BBS9: variants seen among roughly 807,000 people sequenced by gnomAD.
BBS9 encodes the protein protein PTHB1.
Under a neutral mutation model 117.7 loss-of-function variants are expected in BBS9, and 89 were observed. The ratio of observed to expected loss-of-function variants is 0.76; its 90% confidence interval spans 0.64 to 0.90. BBS9 has a LOEUF of 0.90. Among genes scored for constraint, BBS9 ranks in the 40% least tolerant of loss-of-function variants. The probability of loss-of-function intolerance (pLI) is 0.00; values close to 1 mark genes in which losing one functional copy is unlikely to be tolerated. For synonymous variants in BBS9, 379 were observed against 370.9 expected (o/e 1.02, Z -0.25); for missense variants, 982 against 1,042.2 (o/e 0.94, Z 0.80).
intron 10 of BBS9, among the ~76,000 whole-genome samples, chr7:33,340,682 G>A (rs1291349923): frequency 6.6e-6 from 1 of 152,090 alleles, no homozygotes; most frequent in East Asian, 1.9e-4. Context: ...TCACATCTTA[G>A]CAAATATCTG....
chr7:33,599,627 G>A (rs1390981008), intron 21 of BBS9, among the ~76,000 whole-genome samples: 2 of 152,098 alleles, frequency 1.3e-5, no homozygotes. Context: ...AACATCCATT[G>A]ATGTAGTCTC....
At chr7:33,595,074 CA>C (rs1214597751) in intron 21 of BBS9, among the ~76,000 whole-genome samples, 1 of 151,878 alleles carries the variant, frequency 6.6e-6, no homozygotes, top group Non-Finnish European at 1.5e-5. Context: ...ATGTAAAAAC[CA>C]AAACCATAAA....
At chr7:33,352,894 G>GA (rs772343285) in intron 15 of BBS9, 21 bp downstream of exon 15, 14 of 1,605,352 alleles carry the variant, frequency 8.7e-6, no homozygotes, top group African/African-American at 1.3e-5. Context: ...AGATAATTTA[G>GA]AAAAAAATGA....
intron 5 of BBS9, among the ~76,000 whole-genome samples, chr7:33,187,756 T>C (rs1386174238): frequency 6.6e-6 from 1 of 151,546 alleles, no homozygotes; most frequent in Non-Finnish European, 1.5e-5. Context: ...CCATCTCTAC[T>C]TAAAATACAA....
chr7:33,208,013 T>G (rs1379675101), intron 5 of BBS9, among the ~76,000 whole-genome samples: 1 of 152,182 alleles, frequency 6.6e-6, no homozygotes, highest in African/African-American at 2.4e-5. Context: ...TTCACCATGT[T>G]GGCCAGGCTG....
chr7:33,535,222 A>G (rs1031547203), intron 21 of BBS9, among the ~76,000 whole-genome samples: 1 of 152,146 alleles, frequency 6.6e-6, no homozygotes, highest in African/African-American at 2.4e-5. Flanking sequence ...TTTCTTTTCT[A>G]GAGTCTTCAT....
At chr7:33,317,681 C>T (rs1308090304) in intron 9 of BBS9, among the ~76,000 whole-genome samples, 1 of 152,138 alleles carries the variant, frequency 6.6e-6, no homozygotes, top group Admixed American at 6.5e-5. Context: ...TAACTCTATC[C>T]AAAGTGGTCT....
At chr7:33,283,063 G>A (rs976377794) in intron 9 of BBS9, among the ~76,000 whole-genome samples, 1 of 151,882 alleles carries the variant, frequency 6.6e-6, no homozygotes, top group Non-Finnish European at 1.5e-5. Flanking sequence ...TATCTAAATG[G>A]AGTCAAAGCT....
chr7:33,597,252 CAAAAA>C (rs200048787), intron 21 of BBS9, among the ~76,000 whole-genome samples: 22 of 151,540 alleles, frequency 1.5e-4, no homozygotes, highest in Admixed American at 1.4e-3. Context: ...AATGAAATCT[CAAAAA>C]AACACTTTAT....
intron 21 of BBS9, among the ~76,000 whole-genome samples, chr7:33,594,886 A>G (rs1327110376): frequency 1.3e-5 from 2 of 152,016 alleles, no homozygotes; most frequent in Non-Finnish European, 2.9e-5. Flanking sequence ...TGAAAACCCA[A>G]TTTCATAAGA....
intron 19 of BBS9, among the ~76,000 whole-genome samples, chr7:33,490,225 T>C (rs1038786335): frequency 1.3e-5 from 2 of 152,170 alleles, no homozygotes; most frequent in African/African-American, 4.8e-5. Flanking sequence ...AAATCCAAAT[T>C]TGGACATTTC....
chr7:33,569,403 A>ATG (rs1463107308), intron 21 of BBS9, among the ~76,000 whole-genome samples: 1 of 151,824 alleles, frequency 6.6e-6, no homozygotes, highest in South Asian at 2.1e-4. Context: ...GTATATACAG[A>ATG]TGTGTATATA....
At chr7:33,508,845 G>A (rs774151648) in intron 20 of BBS9, among the ~76,000 whole-genome samples, 3 of 152,108 alleles carry the variant, frequency 2.0e-5, no homozygotes, top group Non-Finnish European at 4.4e-5. Flanking sequence ...TGTAGGAATT[G>A]GTACCCAGAA....
At chr7:33,584,835 A>G (rs750917311) in intron 21 of BBS9, among the ~76,000 whole-genome samples, 47 of 152,122 alleles carry the variant, frequency 3.1e-4, no homozygotes, top group Admixed American at 5.9e-4. Context: ...AGATCTTCCT[A>G]GAAATGTTAA....
At position 33,240,795 on chromosome 7, in the gene BBS9, A is replaced by G. The variant is rs534362364; in HGVS notation, c.443-16441A>G. Among the ~76,000 whole-genome samples, 15 of 152,250 alleles carry G rather than the reference A, an allele frequency of 9.9e-5. No individual in the cohort carries two copies. In the South Asian group the frequency reaches 2.7e-3, roughly 27 times the overall value. Reference sequence around the variant, plus strand: ...TTATGTCTTTCAGTAAAAAAATTTTACGTTTTACCTGTATTAGTTTTTTGG... The same window carrying G: ...TTATGTCTTTCAGTAAAAAAATTTTGCGTTTTACCTGTATTAGTTTTTTGG... On this transcript the variant is annotated intron_variant, in intron 5 of 22. Coordinates refer to ENST00000242067, the MANE Select transcript of BBS9 (RefSeq NM_198428.3).
At chr7:33,524,908 G>T (rs1350007147) in intron 20 of BBS9, among the ~76,000 whole-genome samples, 1 of 152,104 alleles carries the variant, frequency 6.6e-6, no homozygotes, top group Non-Finnish European at 1.5e-5. Context: ...TTCCCTGTAC[G>T]CACTGCTTTG....
At chr7:33,419,746 T>G (rs1319071565) in intron 19 of BBS9, among the ~76,000 whole-genome samples, 3 of 152,222 alleles carry the variant, frequency 2.0e-5, no homozygotes, top group Non-Finnish European at 4.4e-5. Flanking sequence ...ATCTGTATAC[T>G]TCATTAAAAA....
chr7:33,356,377 C>G (rs1819618217), intron 15 of BBS9, among the ~76,000 whole-genome samples: 1 of 151,748 alleles, frequency 6.6e-6, no homozygotes, highest in African/African-American at 2.4e-5. Flanking sequence ...GTCAAAACAT[C>G]TCATCATTGT....
intron 19 of BBS9, among the ~76,000 whole-genome samples, chr7:33,471,698 C>G (rs1254942763): frequency 2.0e-5 from 3 of 152,218 alleles, no homozygotes; most frequent in Non-Finnish European, 4.4e-5. Flanking sequence ...ACGCTGGAGA[C>G]TGTGCCCAGG....
Sources: allele counts gnomAD v4.1 joint callset (sites outside exome capture counted in the v4.1 genomes callset), GRCh38; gene constraint gnomAD v4.1.1; transcripts MANE v1.5; gene names NCBI Gene and HGNC (gene_info 2026-07-23, HGNC 2026-07-21).